Variants in SAV1 observed in about 807,000 individuals in gnomAD.
The protein encoded by SAV1 is protein salvador homolog 1.
A neutral mutation model predicts 47.3 loss-of-function variants in SAV1; 23 were observed. The observed-to-expected ratio is 0.49, with a 90% confidence interval of 0.35 to 0.69. The LOEUF is 0.69. SAV1 is among the 30% of genes least tolerant of loss of function. The probability of loss-of-function intolerance (pLI) is 0.01; values close to 1 mark genes in which losing one functional copy is unlikely to be tolerated. For missense variants in SAV1, 448 were observed against 457.4 expected (o/e 0.98, Z 0.19); for synonymous variants, 155 against 159.2 (o/e 0.97, Z 0.20).
At chr14:50,659,024 C>G (rs1045814038) in intron 2 of SAV1, among the ~76,000 whole-genome samples, 8 of 151,164 alleles carry the variant, frequency 5.3e-5, no homozygotes, top group African/African-American at 1.9e-4. Flanking sequence ...TTAATCTTAT[C>G]AAATGAAGTC....
chr14:50,659,073 ATTTTTT>A (rs33946852), intron 2 of SAV1, among the ~76,000 whole-genome samples: 3 of 131,148 alleles, frequency 2.3e-5, no homozygotes, highest in South Asian at 2.4e-4. Context: ...GCTGTAAAGA[ATTTTTT>A]TTTTTTTTTT....
chr14:50,660,957 C>T (rs2039854712), intron 2 of SAV1, among the ~76,000 whole-genome samples: 1 of 152,162 alleles, frequency 6.6e-6, no homozygotes, highest in South Asian at 2.1e-4. Flanking sequence ...GATTTCTTTT[C>T]CTTTAGATAG....
chr14:50,643,981 T>A (rs1326907758), intron 3 of SAV1, among the ~76,000 whole-genome samples: 1 of 152,268 alleles, frequency 6.6e-6, no homozygotes, highest in East Asian at 1.9e-4. Flanking sequence ...TACTCATTTT[T>A]AATCTTGTGG....
At chr14:50,650,303 C>T (rs1176037074) in intron 2 of SAV1, among the ~76,000 whole-genome samples, 6 of 152,290 alleles carry the variant, frequency 3.9e-5, no homozygotes, top group Non-Finnish European at 5.9e-5. Flanking sequence ...CACTATTACA[C>T]GCACAGAACA....
At chr14:50,646,240 AATT>A (rs2039720459) in intron 2 of SAV1, among the ~76,000 whole-genome samples, 1 of 152,190 alleles carries the variant, frequency 6.6e-6, no homozygotes, top group African/African-American at 2.4e-5. Flanking sequence ...AAAATTGAAC[AATT>A]ATTATAATAA....
Position 50,668,030 on chromosome 14 carries a change from G to A in SAV1, c.-63C>T, listed in dbSNP as rs1439750591. On this transcript the variant is annotated 5_prime_UTR_variant, in exon 1 of 5. Transcript: ENST00000324679. ...CCCTAGGGCTCCGCGCCGGGCGCCG[G>A]CCGTCTCCGCCGCCACCTCCGCCGG... The A allele has an allele frequency of 1.1e-5, 13 of 1,236,186 alleles. No homozygotes were observed. The highest frequency in any genetic ancestry group is 3.0e-5 in the Admixed American group (1 of 33,606). The allele number at this position is 1,236,186 out of a possible 1,614,324, so 76.6% of individuals were successfully genotyped here.
chr14:50,662,293 C>A (rs951295279), intron 2 of SAV1, among the ~76,000 whole-genome samples: 2 of 152,118 alleles, frequency 1.3e-5, no homozygotes, highest in African/African-American at 4.8e-5. Flanking sequence ...CTCAGCCTCC[C>A]AAGTAGCTGG....
At chr14:50,647,688 T>A (rs1224128895) in intron 2 of SAV1, among the ~76,000 whole-genome samples, 1 of 151,742 alleles carries the variant, frequency 6.6e-6, no homozygotes, top group East Asian at 1.9e-4. Flanking sequence ...GAAAAAATGC[T>A]CAGGATCATA....
intron 2 of SAV1, among the ~76,000 whole-genome samples, chr14:50,645,727 G>A (rs1199775476): frequency 7.3e-5 from 11 of 151,442 alleles, no homozygotes; most frequent in African/African-American, 2.2e-4. Context: ...TGACATTTCA[G>A]CTTTAAAAAA....
At chr14:50,641,825 C>G (rs1467270100) in intron 3 of SAV1, among the ~76,000 whole-genome samples, 1 of 152,172 alleles carries the variant, frequency 6.6e-6, no homozygotes, top group Non-Finnish European at 1.5e-5. Context: ...GAACTTAGAA[C>G]TATCATTCAA....
intron 2 of SAV1, chr14:50,663,328 A>C (rs2039875482): frequency 6.6e-6 from 1 of 152,250 alleles, no homozygotes; most frequent in Admixed American, 6.5e-5. Context: ...AGCAGTTATT[A>C]TTCTAGAAGA....
At chr14:50,664,039 T>C (rs2039881144) in intron 2 of SAV1, among the ~76,000 whole-genome samples, 1 of 152,238 alleles carries the variant, frequency 6.6e-6, no homozygotes, top group Non-Finnish European at 1.5e-5. Context: ...CTCCAAGTCC[T>C]ACCTCTTCCA....
intron 3 of SAV1, among the ~76,000 whole-genome samples, chr14:50,643,381 G>A (rs549430713): frequency 1.3e-5 from 2 of 152,062 alleles, no homozygotes; most frequent in Admixed American, 6.6e-5. Context: ...GAAGATGAAG[G>A]GGAAGCAAGG....
chr14:50,641,546 G>C (rs924738080), intron 3 of SAV1, among the ~76,000 whole-genome samples: 6 of 152,090 alleles, frequency 3.9e-5, no homozygotes, highest in African/African-American at 1.4e-4. Context: ...GACCAAAAGG[G>C]GTCTGCACCT....
chr14:50,656,154 C>T (rs1319879008), intron 2 of SAV1, among the ~76,000 whole-genome samples: 1 of 152,216 alleles, frequency 6.6e-6, no homozygotes, highest in African/African-American at 2.4e-5. Flanking sequence ...TTGCCTAAAT[C>T]TAGAACCACA....
rs781709058 is a variant in SAV1, at chr14:50,640,861, G to T, written c.839C>A (p.Thr280Lys). ...TCTTTCAGTTTGCTGTGGCTGGTAT[G>T]TGACAGGAGGTGGTTGATCATACCG... ...VPRYDQPPPV[T>K]YQPQQTERNQ... Residue 280 changes from threonine to lysine, a missense_variant, in exon 4 of 5, where the codon ACA becomes AAA. Transcript: ENST00000324679. The T allele has an allele frequency of 1.2e-6, 2 of 1,613,440 alleles. No individual in the cohort carries two copies. The highest frequency in any genetic ancestry group is 2.2e-5 in the South Asian group (2 of 90,960).
At position 50,655,720 on chromosome 14, in the gene SAV1, C is replaced by G. The variant is rs115084846; in HGVS notation, c.535+9459G>C. ...GGATTCCAGGCGTGAGCCACTATAC[C>G]CTGCCTAAAAACAAAAGCCTTTATA... is the stretch of plus-strand genomic sequence containing the variant. On this transcript the variant is annotated intron_variant, in intron 2 of 4. Transcript: ENST00000324679. Among the ~76,000 whole-genome samples the G allele has an allele frequency of 5.7e-3, 865 of 152,148 alleles. 11 individuals carry two copies. The highest frequency in any genetic ancestry group is 0.02 in the African/African-American group (811 of 41,512).
chr14:50,660,858 T>C (rs538156832), intron 2 of SAV1, among the ~76,000 whole-genome samples: 34 of 152,356 alleles, frequency 2.2e-4, no homozygotes, highest in Non-Finnish European at 4.6e-4. Flanking sequence ...CTGTGCCTGA[T>C]TTCCCTTAAT....
At chr14:50,643,166 TGA>T (rs1375540577) in intron 3 of SAV1, among the ~76,000 whole-genome samples, 1 of 152,104 alleles carries the variant, frequency 6.6e-6, no homozygotes, top group Non-Finnish European at 1.5e-5. Flanking sequence ...ACCAAGTTGC[TGA>T]GAGAAGTAAA....
Sources: gnomAD v4.1 joint callset for allele counts (sites outside exome capture counted in the v4.1 genomes callset) on GRCh38, gnomAD v4.1.1 for gene constraint, MANE v1.5 for transcripts, NCBI Gene and HGNC (gene_info 2026-07-23, HGNC 2026-07-21) for gene names.